The following KIF3A variants were observed in gnomAD, a reference collection of about 807,000 sequenced individuals.
The protein encoded by KIF3A is kinesin family member 3A, also known as kinesin-like protein KIF3A.
KIF3A carries 27 observed loss-of-function variants against 92.6 expected under a neutral mutation model. The ratio of observed to expected loss-of-function variants is 0.29; its 90% CI spans 0.21 to 0.40. The LOEUF is 0.40. KIF3A is among the 10% of genes least tolerant of loss of function. KIF3A has a pLI of 1.00. For missense variants in KIF3A, 581 were observed against 872.6 expected, an observed-to-expected ratio of 0.67 and a Z score of 4.21; for synonymous variants, 250 against 275.4, an observed-to-expected ratio of 0.91 and a Z score of 0.92.
At chr5:132,706,535 CAT>C (rs1753218995) in intron 10 of KIF3A, 76 bp from the exon 11 acceptor site, 1 of 1,199,974 alleles carries the variant, frequency 8.3e-7, no homozygotes, top group East Asian at 2.8e-5. Context: ...AAAAGGAAAA[CAT>C]TATTTCTCTT....
At position 132,734,448 on chromosome 5, in the gene KIF3A, C is replaced by T. The variant is rs199848794; in HGVS notation, c.37G>A (p.Asp13Asn). ...CACCTAACAACAACCTTCACATTAT[C>T]GCAGCTTTCTGGCTTCTCTGATTTA... ...INKSEKPESC[D>N]NVKVVVRCRP... Residue 13 changes from aspartate to asparagine, a missense_variant, in exon 2 of 19, where the codon GAT (aspartate) becomes AAT (asparagine). This residue lies in a region of KIF3A where 217 missense variants were observed against 299.7 expected (regional missense o/e 0.72). Transcript: ENST00000403231. 99 of 1,613,280 alleles carry T rather than the reference C, an allele frequency of 6.1e-5. No homozygotes were observed. The highest frequency in any genetic ancestry group is 8.0e-5 in the Non-Finnish European group (94 of 1,179,814).
rs201245089 is a variant in KIF3A, at chr5:132,716,237, A to G, written c.954+8T>C. 46 of 1,603,718 alleles carry G rather than the reference A, an allele frequency of 2.9e-5. 1 individual carries two copies. In the African/African-American group the frequency reaches 5.5e-4, roughly 19 times the overall value. ...CTGATGTTAACTATATCACCAATTA[A>G]GTCTTACCATCATGGTTTTTGAATT... On this transcript the variant is annotated splice_region_variant and intron_variant, in intron 7 of 18. Transcript: ENST00000403231.
At chr5:132,737,320 C>T (rs1399090619) in intron 1 of KIF3A, 94 bp downstream of exon 1, 1 of 1,420,728 alleles carries the variant, frequency 7.0e-7, no homozygotes, top group Admixed American at 2.3e-5. Flanking sequence ...ACCCAGGCCG[C>T]CTGCCGGCTC....
Position 132,729,106 on chromosome 5 carries a change from A to G in KIF3A, c.281-2608T>C, listed in dbSNP as rs1754137856. ...GGGTGCAAAGGCGTAAGAACGATAC[A>G]GCGGACTTTGGGAACTCAGGGGAAA... On this transcript the variant is annotated intron_variant, in intron 2 of 18. Coordinates refer to ENST00000403231, the MANE Select transcript of KIF3A (RefSeq NM_001300791.2). Among the ~76,000 whole-genome samples the G allele has an allele frequency of 2.6e-5, 4 of 152,300 alleles. No homozygotes were observed. The South Asian group carries it at 8.3e-4, about 32-fold the overall frequency.
chr5:132,697,546 T>C (rs529466551), intron 18 of KIF3A: 2 of 152,084 alleles, frequency 1.3e-5, no homozygotes, highest in East Asian at 3.9e-4. Flanking sequence ...CCAGGCACGG[T>C]GGCTCATGCC....
intron 18 of KIF3A, among the ~76,000 whole-genome samples, chr5:132,698,821 T>G (rs1367849012): frequency 6.8e-6 from 1 of 146,450 alleles, no homozygotes; most frequent in Non-Finnish European, 1.5e-5. Flanking sequence ...AACTGCAACC[T>G]CCGGCTCCTG....
At chr5:132,691,433 G>C (rs558678300), downstream of KIF3A, among the ~76,000 whole-genome samples, 1 of 152,042 alleles carries the variant, frequency 6.6e-6, no homozygotes, top group East Asian at 1.9e-4. Context: ...TGTAGTCCCA[G>C]CTACTCTGAA....
rs1752842834 is a variant in KIF3A at position 132,696,531 on chromosome 5, C to T, written c.*103G>A. On this transcript the variant is annotated 3_prime_UTR_variant, in exon 19 of 19. Transcript: ENST00000403231. ...AGTCTTATTCATTGATCTACAACTT[C>T]CATTAATTGAAATTATAGAGAAGTC... The T allele has an allele frequency of 1.4e-6, 1 of 714,942 alleles. No homozygotes were observed. The highest frequency in any genetic ancestry group is 1.8e-5 in the African/African-American group (1 of 56,550). 44.3% of individuals were successfully genotyped at this position (714,942 alleles called of 1,614,324 possible). A position where few individuals can be genotyped will look rare whatever the true frequency, so the allele number is the denominator to read the frequency against.
rs998044809 is a variant in KIF3A at position 132,699,101 on chromosome 5, C to A, written c.2132+70G>T. ...CATGTTTTAACTAAATAAATTTTAA[C>A]TTCCTGTACATGTATCTAATTAGAA... On this transcript the variant is annotated intron_variant, in intron 18 of 18. Coordinates refer to ENST00000403231, the MANE Select transcript of KIF3A (RefSeq NM_001300791.2). The A allele has an allele frequency of 2.9e-6, 4 of 1,402,728 alleles. No homozygotes were observed. In the Admixed American group the frequency reaches 7.9e-5, roughly 28 times the overall value. 86.9% of individuals were successfully genotyped at this position (1,402,728 alleles called of 1,614,324 possible).
chr5:132,705,545 A>C (rs1753182568), intron 11 of KIF3A, among the ~76,000 whole-genome samples: 1 of 152,072 alleles, frequency 6.6e-6, no homozygotes. Context: ...ATACAAAGAC[A>C]CATAACTGTT....
chr5:132,718,241 T>C (rs1383455825), intron 5 of KIF3A, among the ~76,000 whole-genome samples: 2 of 152,238 alleles, frequency 1.3e-5, no homozygotes, highest in Non-Finnish European at 2.9e-5. Flanking sequence ...AATTTGCTTT[T>C]ATCCCCCCAC....
Position 132,700,302 on chromosome 5 carries a change from G to A in KIF3A, c.1939-18C>T. 6.7e-7 allele frequency: 1 copy of A among 1,485,064 alleles called. No homozygotes were observed. The highest frequency in any genetic ancestry group is 1.7e-4 in the Middle Eastern group (1 of 5,810). The allele number at this position is 1,485,064 out of a possible 1,614,324, so 92.0% of individuals were successfully genotyped here. A position where few individuals can be genotyped will look rare whatever the true frequency, so the allele number is the denominator to read the frequency against. On this transcript the variant is annotated intron_variant, in intron 16 of 18. Transcript: ENST00000403231. ...ACACATTTCTCAAAAAAAGAAAAGG[G>A]AGAGACAGAGAAATGTCTTAATTAG...
chr5:132,729,870 G>GA (rs1049496204), intron 2 of KIF3A, among the ~76,000 whole-genome samples: 16 of 144,288 alleles, frequency 1.1e-4, no homozygotes, highest in South Asian at 1.1e-3. Flanking sequence ...AAGTAAGTAA[G>GA]AAAAAAAAAT....
intron 16 of KIF3A, 79 bp downstream of exon 16, chr5:132,700,568 C>T (rs1384613443): frequency 1.4e-5 from 13 of 958,716 alleles, no homozygotes; most frequent in Non-Finnish European, 2.2e-5. Context: ...CATGTTCCTC[C>T]CCACTGTAGC....
Position 132,715,906 on chromosome 5 carries a change from T to C in KIF3A, c.980A>G (p.Tyr327Cys), listed in dbSNP as rs1455088206. 1 of 1,598,248 alleles carries C rather than the reference T, an allele frequency of 6.3e-7. No homozygotes were observed. The change falls in exon 8 of 19, where the codon TAC becomes TGC. Residue 327 changes from tyrosine to cysteine, a missense_variant. Coordinates refer to ENST00000403231, the MANE Select transcript of KIF3A (RefSeq NM_001300791.2). ...TGTACTGATAGTTTCATCATAATTG[T>C]AATCTGCTGGCCCAATATTTGCACA... ...MMCANIGPAD[Y>C]NYDETISTLR...
Position 132,715,932 on chromosome 5 carries a change from C to T in KIF3A, c.955-1G>A. 1 of 1,563,474 alleles carries T rather than the reference C, an allele frequency of 6.4e-7. No individual in the cohort carries two copies. Among genetic ancestry groups the T allele is most frequent in the Non-Finnish European group, 8.7e-7 (1 of 1,152,830 alleles). On this transcript the variant is annotated splice_acceptor_variant, in intron 7 of 18. Transcript: ENST00000403231. LOFTEE classifies it high-confidence loss of function. ...AATCTGCTGGCCCAATATTTGCACA[C>T]TATTGAATTAGAAATATGAAACAAA... is the stretch of plus-strand genomic sequence containing the variant.
chr5:132,730,604 T>C (rs983461718), intron 2 of KIF3A, among the ~76,000 whole-genome samples: 7 of 150,090 alleles, frequency 4.7e-5, no homozygotes, highest in African/African-American at 1.7e-4. Context: ...TTAGAAAACA[T>C]AGTGAGACCC....
Position 132,734,269 on chromosome 5 carries a change from T to C in KIF3A, c.216A>G (p.Lys72=), listed in dbSNP as rs146249719. ...CAGTTAAGTTATAAACATCAAGTTG[T>C]TTACTCTCTGGTCCAAAAACAGTAT... ...TFDTVFGPES[K]QLDVYNLTAR... Residue 72 remains lysine, a synonymous_variant, in exon 2 of 19, where the codon AAA becomes AAG. Coordinates refer to ENST00000403231, the MANE Select transcript of KIF3A (RefSeq NM_001300791.2). 4.6e-5 allele frequency: 75 copies of C among 1,613,988 alleles called. No individual in the cohort carries two copies. In the African/African-American group the frequency reaches 9.1e-4, roughly 19 times the overall value.
chr5:132,701,992 C>T, intron 15 of KIF3A, 95 bp downstream of exon 15: 1 of 1,293,890 alleles, frequency 7.7e-7, no homozygotes, highest in East Asian at 2.3e-5. Flanking sequence ...CATTCAATAA[C>T]TGAAGTATTA....
Sources: allele counts gnomAD v4.1 joint callset (sites outside exome capture counted in the v4.1 genomes callset), GRCh38; gene constraint gnomAD v4.1.1; regional missense constraint gnomAD v4.1.1; transcripts MANE v1.5; gene names NCBI Gene and HGNC (gene_info 2026-07-23, HGNC 2026-07-21).